The following CCDC30 variants were observed in gnomAD, a reference collection of about 807,000 sequenced individuals.
CCDC30 encodes the protein coiled-coil domain-containing protein 30.
Under a neutral mutation model 100.2 loss-of-function variants are expected in CCDC30, and 70 were observed. That is an observed-to-expected ratio of 0.70 (90% confidence interval 0.58 to 0.85). CCDC30 has a LOEUF of 0.85. CCDC30 is among the 40% of genes least tolerant of loss of function. CCDC30 has a pLI of 0.00. For missense variants in CCDC30, 652 were observed against 771.2 expected, an observed-to-expected ratio of 0.85 and a Z score of 1.83; for synonymous variants, 233 against 269.5, an observed-to-expected ratio of 0.86 and a Z score of 1.33.
intron 14 of CCDC30, 65 bp from the exon 19 acceptor site, chr1:42,646,070 G>A (rs16829824): frequency 0.11 from 167,279 of 1,498,772 alleles, 11,028 homozygotes; most frequent in East Asian, 0.27. Flanking sequence ...TGTGTCAAAG[G>A]TACTAACTTC....
chr1:42,543,585 A>T (rs1645061620), intron 6 of CCDC30, among the ~76,000 whole-genome samples: 2 of 152,132 alleles, frequency 1.3e-5, no homozygotes, highest in South Asian at 4.1e-4. Context: ...CTTACTTTGT[A>T]GCCTCTATTC....
intron 6 of CCDC30, among the ~76,000 whole-genome samples, chr1:42,553,822 C>T (rs1645310092): frequency 6.6e-6 from 1 of 152,018 alleles, no homozygotes; most frequent in African/African-American, 2.4e-5. Context: ...GCATTTTACC[C>T]TTTATCTCAT....
rs1233506839 is a variant in CCDC30 at position 42,581,353 on chromosome 1, A to T, written c.847-7A>T. The T allele has an allele frequency of 1.9e-6, 3 of 1,589,532 alleles. No homozygotes were observed. The highest frequency in any genetic ancestry group is 2.6e-6 in the Non-Finnish European group (3 of 1,172,820). ...ATGCTTTACTTGTAAATGTTTTTTCATTCAAGATTTTGGACCTGCAGCGGA... is the reference window on the plus strand; with the variant it reads ...ATGCTTTACTTGTAAATGTTTTTTCTTTCAAGATTTTGGACCTGCAGCGGA... On this transcript the variant is annotated splice_polypyrimidine_tract_variant and splice_region_variant and intron_variant, in intron 8 of 16. Transcript: ENST00000668663.
intron 3 of CCDC30, among the ~76,000 whole-genome samples, chr1:42,487,296 G>C (rs1644068166): frequency 6.6e-6 from 1 of 152,028 alleles, no homozygotes; most frequent in Non-Finnish European, 1.5e-5. Flanking sequence ...CTTGAAATAT[G>C]TAATTTTTAA....
At chr1:42,513,638 A>T (rs559841147) in intron 6 of CCDC30, among the ~76,000 whole-genome samples, 306 of 152,258 alleles carry the variant, frequency 2.0e-3, no homozygotes, top group Non-Finnish European at 3.0e-3. Flanking sequence ...AAAGAAAATG[A>T]TTTTGGGGGT....
chr1:42,510,059 G>C (rs1644453124), intron 6 of CCDC30: 1 of 985,216 alleles, frequency 1.0e-6, no homozygotes, highest in Admixed American at 6.1e-5. Flanking sequence ...CTCGGGGTTT[G>C]TGTTGTAGAA....
At chr1:42,583,431 G>A (rs1024465900) in intron 9 of CCDC30, among the ~76,000 whole-genome samples, 2 of 152,168 alleles carry the variant, frequency 1.3e-5, no homozygotes, top group Non-Finnish European at 2.9e-5. Context: ...ACCCTATAGT[G>A]TATATTGTTT....
At chr1:42,534,280 C>T in intron 6 of CCDC30, among the ~76,000 whole-genome samples, 1 of 151,848 alleles carries the variant, frequency 6.6e-6, no homozygotes, top group East Asian at 1.9e-4. Context: ...TGAAGCATCT[C>T]AGGTGCCATA....
chr1:42,489,955 C>A, intron 3 of CCDC30: 1 of 279,446 alleles, frequency 3.6e-6, no homozygotes, highest in Non-Finnish European at 6.6e-6. Context: ...ATCAGATAAT[C>A]AGGGATAGGG....
At chr1:42,583,659 A>G (rs557016794) in intron 9 of CCDC30, among the ~76,000 whole-genome samples, 1 of 152,196 alleles carries the variant, frequency 6.6e-6, no homozygotes, top group Non-Finnish European at 1.5e-5. Flanking sequence ...CTGACACATA[A>G]TAAGCACTTC....
chr1:42,633,903 G>A (rs6697466), intron 11 of CCDC30, among the ~76,000 whole-genome samples: 23,904 of 152,022 alleles, frequency 0.16, 2,101 homozygotes, highest in South Asian at 0.31. Context: ...ACTTACAATC[G>A]TGGCACAAGG....
chr1:42,530,814 G>A (rs72659953), intron 6 of CCDC30, among the ~76,000 whole-genome samples: 20,699 of 152,102 alleles, frequency 0.14, 1,550 homozygotes, highest in East Asian at 0.19. Flanking sequence ...ATGGATTTTG[G>A]TATCTTCAGT....
chr1:42,492,839 G>T (rs976920384), intron 4 of CCDC30, among the ~76,000 whole-genome samples: 3 of 151,884 alleles, frequency 2.0e-5, no homozygotes, highest in Non-Finnish European at 4.4e-5. Flanking sequence ...TAGAGATGGG[G>T]TTTCACCATG....
intron 1 of CCDC30, among the ~76,000 whole-genome samples, chr1:42,466,557 GT>G (rs59732163): frequency 0.4 from 57,681 of 145,122 alleles, 11,592 homozygotes; most frequent in East Asian, 0.59. Flanking sequence ...GTTTTGTTTT[GT>G]TTTTTTTTTT....
exon 1 of CCDC30, chr1:42,463,502 G>A (rs1643471762): frequency 6.6e-6 from 1 of 152,272 alleles, no homozygotes. Flanking sequence ...GAAACTACAG[G>A]AGGGGAACCC....
intron 1 of CCDC30, among the ~76,000 whole-genome samples, chr1:42,479,832 AAG>A (rs775113322): frequency 1.3e-5 from 2 of 152,144 alleles, no homozygotes; most frequent in Non-Finnish European, 2.9e-5. Context: ...TAGTAACAAG[AAG>A]ATGAGGTGCC....
chr1:42,494,510 C>A (rs1644198699), intron 4 of CCDC30, among the ~76,000 whole-genome samples: 1 of 152,142 alleles, frequency 6.6e-6, no homozygotes, highest in Non-Finnish European at 1.5e-5. Context: ...CAAATGGGAT[C>A]TAATTAAACT....
At chr1:42,507,770 G>A (rs1644417990) in intron 6 of CCDC30, among the ~76,000 whole-genome samples, 1 of 152,116 alleles carries the variant, frequency 6.6e-6, no homozygotes, top group Admixed American at 6.5e-5. Context: ...TATGTCCCCA[G>A]CCCTTACCAA....
At chr1:42,532,891 A>C (rs543888835) in intron 6 of CCDC30, among the ~76,000 whole-genome samples, 1 of 152,136 alleles carries the variant, frequency 6.6e-6, no homozygotes, top group African/African-American at 2.4e-5. Context: ...TCAGCCTCCC[A>C]AGTAGCTGGG....
Sources: allele counts gnomAD v4.1 joint callset (sites outside exome capture counted in the v4.1 genomes callset), GRCh38; gene constraint gnomAD v4.1.1; transcripts MANE v1.5; gene names NCBI Gene and HGNC (gene_info 2026-07-23, HGNC 2026-07-21).